The following HDAC4 variants were observed in gnomAD, a reference collection of about 807,000 sequenced individuals.
The protein encoded by HDAC4 is histone deacetylase 4.
In HDAC4, 16 loss-of-function variants were observed where a neutral mutation model predicts 135.1. The observed-to-expected ratio is 0.12, with a 90% confidence interval of 0.08 to 0.18. The LOEUF (loss-of-function observed/expected upper bound fraction) is 0.18. Ranked by LOEUF, HDAC4 falls within the 10% of genes least tolerant of loss-of-function variation. HDAC4 has a pLI of 1.00. For synonymous variants in HDAC4, 685 were observed against 653.4 expected (o/e 1.05, Z -0.74); for missense variants, 1,143 against 1,511.8 (o/e 0.76, Z 4.05).
chr2:239,189,870 G>T lies in HDAC4; in HGVS notation c.302C>A (p.Ser101Tyr). 1 of 1,609,856 alleles carries T rather than the reference G, an allele frequency of 6.2e-7. No individual in the cohort carries two copies. Among genetic ancestry groups the T allele is most frequent in the Non-Finnish European group, 8.5e-7 (1 of 1,179,842 alleles). The stretch of plus-strand genomic sequence containing the variant: ...GTGGAGCTGCGCCTCGTGCTGCCGG[G>T]AGAGCTGCTCGTGCTGCCTCTGGAA... ...AEFQRQHEQL[S>Y]RQHEAQLHEH... Residue 101 changes from serine to tyrosine, a missense_variant, in exon 4 of 27, where the codon TCC (serine) becomes TAC (tyrosine). This residue lies in a region of HDAC4 where 247 missense variants were observed against 310.0 expected (regional missense o/e 0.80). Coordinates refer to ENST00000543185, the MANE Select transcript of HDAC4 (RefSeq NM_001378414.1).
At chr2:239,190,472 G>A (rs545439273) in intron 3 of HDAC4, among the ~76,000 whole-genome samples, 1 of 152,336 alleles carries the variant, frequency 6.6e-6, no homozygotes, top group African/African-American at 2.4e-5. Context: ...GCTGTTCAAG[G>A]AAAAGCGCGG....
At chr2:239,177,435 A>C (rs1311484751) in intron 4 of HDAC4, among the ~76,000 whole-genome samples, 1 of 152,108 alleles carries the variant, frequency 6.6e-6, no homozygotes, top group Non-Finnish European at 1.5e-5. Flanking sequence ...AACAGAAAAA[A>C]CTAACGCACA....
intron 2 of HDAC4, among the ~76,000 whole-genome samples, chr2:239,287,729 A>C (rs1191436665): frequency 1.3e-5 from 2 of 152,236 alleles, no homozygotes; most frequent in Non-Finnish European, 2.9e-5. Context: ...AGAGTGACTC[A>C]AAACGATTAA....
At chr2:239,090,570 G>A (rs1241776329) in intron 17 of HDAC4, among the ~76,000 whole-genome samples, 1 of 151,220 alleles carries the variant, frequency 6.6e-6, no homozygotes, top group East Asian at 1.9e-4. Context: ...TTGAGCCCAG[G>A]AGGTCGAGGC....
At chr2:239,137,927 C>T (rs746471900) in intron 9 of HDAC4, among the ~76,000 whole-genome samples, 8 of 152,170 alleles carry the variant, frequency 5.3e-5, no homozygotes, top group Non-Finnish European at 8.8e-5. Context: ...ATTTACGTAT[C>T]GTGATTTCTA....
chr2:239,067,602 C>T (rs937974553), intron 23 of HDAC4, among the ~76,000 whole-genome samples: 9 of 152,200 alleles, frequency 5.9e-5, no homozygotes, highest in African/African-American at 1.2e-4. Context: ...TGCTGTGGGG[C>T]GTTGGGCACA....
chr2:239,364,026 C>G (rs1208367536), intron 1 of HDAC4, among the ~76,000 whole-genome samples: 1 of 152,164 alleles, frequency 6.6e-6, no homozygotes, highest in African/African-American at 2.4e-5. Flanking sequence ...ACACTCCATA[C>G]CCACCAAAAT....
intron 2 of HDAC4, among the ~76,000 whole-genome samples, chr2:239,291,538 G>C (rs1191434069): frequency 1.3e-5 from 2 of 152,218 alleles, no homozygotes; most frequent in Non-Finnish European, 2.9e-5. Context: ...TCGCCCCTCT[G>C]GAACTTTGGT....
chr2:239,090,736 G>A (rs1316429807), intron 17 of HDAC4, among the ~76,000 whole-genome samples: 2 of 151,890 alleles, frequency 1.3e-5, no homozygotes, highest in Non-Finnish European at 2.9e-5. Flanking sequence ...TCAGATTTTT[G>A]GATTAGGGAT....
At chr2:239,214,181 T>G (rs74000524) in intron 3 of HDAC4, among the ~76,000 whole-genome samples, 5,252 of 152,318 alleles carry the variant, frequency 0.034, 312 homozygotes, top group African/African-American at 0.12. Context: ...GTGCTTCTTC[T>G]GCAGGCTCCA....
intron 16 of HDAC4, among the ~76,000 whole-genome samples, chr2:239,100,125 C>G (rs2037480946): frequency 6.6e-6 from 1 of 152,248 alleles, no homozygotes; most frequent in Non-Finnish European, 1.5e-5. Flanking sequence ...CTAAGAGGGT[C>G]TTTCTTACCC....
At chr2:239,336,916 GT>G (rs758858102) in intron 2 of HDAC4, among the ~76,000 whole-genome samples, 1 of 152,208 alleles carries the variant, frequency 6.6e-6, no homozygotes, top group Non-Finnish European at 1.5e-5. Context: ...GGTGTCGCAT[GT>G]CCTGAGATCC....
chr2:239,345,255 T>G (rs1280127374), intron 2 of HDAC4, among the ~76,000 whole-genome samples: 1 of 152,104 alleles, frequency 6.6e-6, no homozygotes, highest in East Asian at 1.9e-4. Flanking sequence ...CCTTAAAACT[T>G]TGTAGTACTC....
chr2:239,256,167 G>A (rs1221771492), intron 2 of HDAC4, among the ~76,000 whole-genome samples: 2 of 152,356 alleles, frequency 1.3e-5, no homozygotes, highest in East Asian at 3.9e-4. Context: ...CATTCTCAGA[G>A]AGGCAGAGCC....
chr2:239,123,891 T>C (rs2039905261), intron 12 of HDAC4, among the ~76,000 whole-genome samples: 1 of 151,842 alleles, frequency 6.6e-6, no homozygotes, highest in African/African-American at 2.4e-5. Flanking sequence ...GGAAAGTCTA[T>C]CTCCTCCCCA....
At chr2:239,105,566 C>G (rs1230589866) in intron 15 of HDAC4, among the ~76,000 whole-genome samples, 1 of 152,206 alleles carries the variant, frequency 6.6e-6, no homozygotes, top group African/African-American at 2.4e-5. Context: ...AAGTATCTCC[C>G]AGCCCACTCT....
In HDAC4 at chr2:239,328,488, CTGTGCA is replaced by C. The variant is rs982409151; in HGVS notation, c.22+24184_22+24189del. ...GAGTTTCCCAGACCTGAATGTAACA[CTGTGCA>C]AGCCTCACACACAGGGATCTTTCTT... On this transcript the variant is annotated intron_variant, in intron 2 of 26. Coordinates refer to ENST00000543185, the MANE Select transcript of HDAC4 (RefSeq NM_001378414.1). Among the ~76,000 whole-genome samples the C allele has an allele frequency of 2.0e-5, 3 of 152,328 alleles. No individual in the cohort carries two copies. In the East Asian group the frequency reaches 5.8e-4, roughly 29 times the overall value.
At chr2:239,221,903 C>T (rs1271582447) in intron 3 of HDAC4, among the ~76,000 whole-genome samples, 1 of 152,184 alleles carries the variant, frequency 6.6e-6, no homozygotes, top group Non-Finnish European at 1.5e-5. Flanking sequence ...TAACAGGTCA[C>T]TTAAAAGGCT....
chr2:239,049,726 A>G lies in HDAC4; in HGVS notation c.*3371T>C, dbSNP rs573697872. On this transcript the variant is annotated 3_prime_UTR_variant, in exon 27 of 27. Transcript: ENST00000543185. Reference sequence around the variant, plus strand: ...TAAAGAAAAACTGAAACACCTTGACAAAGTGGCCCTCCAGAACCAGAGCCC... The same window carrying G: ...TAAAGAAAAACTGAAACACCTTGACGAAGTGGCCCTCCAGAACCAGAGCCC... 2 of 152,412 alleles carry G rather than the reference A, an allele frequency of 1.3e-5. No homozygotes were observed. Among genetic ancestry groups the G allele is most frequent in the East Asian group, 3.9e-4 (2 of 5,190 alleles). 9.4% of individuals were successfully genotyped at this position (152,412 alleles called of 1,614,324 possible).
Sources: gnomAD v4.1 joint callset for allele counts (sites outside exome capture counted in the v4.1 genomes callset) on GRCh38, gnomAD v4.1.1 for gene constraint, gnomAD v4.1.1 regional missense constraint, MANE v1.5 for transcripts, NCBI Gene and HGNC (gene_info 2026-07-23, HGNC 2026-07-21) for gene names.